The following MFAP3 variants were observed in gnomAD, a reference collection of about 807,000 sequenced individuals.
MFAP3 encodes the protein microfibril-associated glycoprotein 3.
A neutral mutation model predicts 20.5 loss-of-function variants in MFAP3; 8 were observed. The ratio of observed to expected loss-of-function variants is 0.39; its 90% confidence interval spans 0.23 to 0.70. The LOEUF (loss-of-function observed/expected upper bound fraction) is 0.70, where lower values mean the gene tolerates loss of function less well. Among genes scored for constraint, MFAP3 ranks in the 30% least tolerant of loss-of-function variants. The pLI is 0.44. For synonymous variants in MFAP3, 140 were observed against 154.0 expected (o/e 0.91, Z 0.67); for missense variants, 398 against 444.6 (o/e 0.90, Z 0.94).
At chr5:154,044,479 A>G (rs533471400) in intron 1 of MFAP3, among the ~76,000 whole-genome samples, 36 of 152,338 alleles carry the variant, frequency 2.4e-4, no homozygotes, top group Non-Finnish European at 4.3e-4. Flanking sequence ...CTTTCAAATC[A>G]GAAGTCCTCT....
At chr5:154,041,331 G>A (rs926743016) in intron 1 of MFAP3, among the ~76,000 whole-genome samples, 8 of 152,236 alleles carry the variant, frequency 5.3e-5, no homozygotes, top group African/African-American at 1.4e-4. Context: ...TAAAACAAGC[G>A]TAGTTTAGGC....
In MFAP3 at chr5:154,053,352, C is replaced by T. The variant is rs1352560257; in HGVS notation, c.728C>T (p.Pro243Leu). The change falls in exon 3 of 3, where the codon CCT (proline) becomes CTT (leucine). Residue 243 changes from proline to leucine, a missense_variant. Physicochemically the swap from Pro to Leu is moderately conservative, Grantham distance 98. Coordinates refer to ENST00000522782, the MANE Select transcript of MFAP3 (RefSeq NM_005927.5). ...CTGGCAAGAAGTGTCCCTCTTCCAC[C>T]TCTTATTCTAAACTGTCGAGCCTTT... ...EELARSVPLP[P>L]LILNCRAFVE... is the part of the protein sequence containing the mutation. 6.2e-7 allele frequency: 1 copy of T among 1,614,024 alleles called. No individual in the cohort carries two copies. The highest frequency in any genetic ancestry group is 2.2e-5 in the East Asian group (1 of 44,886).
chr5:154,048,260 T>C (rs1055503893), intron 1 of MFAP3, among the ~76,000 whole-genome samples: 1 of 152,204 alleles, frequency 6.6e-6, no homozygotes, highest in African/African-American at 2.4e-5. Context: ...TAGTGTGTCA[T>C]GTATTGCCAA....
chr5:154,054,418 G>A lies in MFAP3; in HGVS notation c.*705G>A, dbSNP rs1003412593. 2 of 166,948 alleles carry A rather than the reference G, an allele frequency of 1.2e-5. No individual in the cohort carries two copies. The highest frequency in any genetic ancestry group is 4.8e-5 in the African/African-American group (2 of 41,452). The allele number at this position is 166,948 out of a possible 1,614,324, so 10.3% of individuals were successfully genotyped here. ...TAAACTACTTTCCATGAGTAAATTG[G>A]TCCTTGGTGGGGGTGTATCATATTT... On this transcript the variant is annotated 3_prime_UTR_variant, in exon 3 of 3. Coordinates refer to ENST00000522782, the MANE Select transcript of MFAP3 (RefSeq NM_005927.5).
rs528914774 is a variant in MFAP3, at chr5:154,056,285, C to A, written c.*2572C>A. On this transcript the variant is annotated 3_prime_UTR_variant, in exon 3 of 3. Coordinates refer to ENST00000522782, the MANE Select transcript of MFAP3 (RefSeq NM_005927.5). ...AAGTAACTGGTTTACTTTGAGTGTACCAGCTTATGGTGCCATTGATGAGGA... is the reference window on the plus strand; with the variant it reads ...AAGTAACTGGTTTACTTTGAGTGTAACAGCTTATGGTGCCATTGATGAGGA... Among the ~76,000 whole-genome samples, 54 of 152,180 alleles carry A rather than the reference C, an allele frequency of 3.5e-4. 1 individual carries two copies. The South Asian group carries it at 0.01, about 29-fold the overall frequency.
chr5:154,041,034 A>G (rs1191290000), intron 1 of MFAP3, among the ~76,000 whole-genome samples: 1 of 152,162 alleles, frequency 6.6e-6, no homozygotes, highest in East Asian at 1.9e-4. Flanking sequence ...TCTATCATTC[A>G]TAAGCTTACA....
chr5:154,053,620 A>T lies in MFAP3; in HGVS notation c.996A>T (p.Gln332His), dbSNP rs1329801256. 6.2e-7 allele frequency: 1 copy of T among 1,613,894 alleles called. No homozygotes were observed. Among genetic ancestry groups the T allele is most frequent in the Non-Finnish European group, 8.5e-7 (1 of 1,179,928 alleles). ...CCAAAAGTATTGATACAGAGTCTCA[A>T]GGCAGCAGTCATTTCAGTCCACCTG... ...SETKSIDTES[Q>H]GSSHFSPPDD... The change falls in exon 3 of 3, where the codon CAA becomes CAT. Residue 332 changes from glutamine to histidine, a missense_variant. Transcript: ENST00000522782.
At chr5:154,041,774 G>T (rs1184039957) in intron 1 of MFAP3, among the ~76,000 whole-genome samples, 1 of 152,158 alleles carries the variant, frequency 6.6e-6, no homozygotes, top group Admixed American at 6.5e-5. Flanking sequence ...AAATTAAGGG[G>T]ATAGTGTGGT....
chr5:154,051,905 C>T (rs1773200056), intron 2 of MFAP3: 1 of 152,114 alleles, frequency 6.6e-6, no homozygotes, highest in Non-Finnish European at 1.5e-5. Flanking sequence ...TCCTCTGGGA[C>T]ACCTCCTCTA....
chr5:154,044,443 C>A (rs913049831), intron 1 of MFAP3, among the ~76,000 whole-genome samples: 1 of 152,196 alleles, frequency 6.6e-6, no homozygotes, highest in African/African-American at 2.4e-5. Context: ...CAGCCTGTTA[C>A]CTGCAAATGG....
chr5:154,042,104 C>T (rs1285419062), intron 1 of MFAP3, among the ~76,000 whole-genome samples: 1 of 152,088 alleles, frequency 6.6e-6, no homozygotes, highest in African/African-American at 2.4e-5. Flanking sequence ...AATTGTCTGG[C>T]TATTATCTAA....
At chr5:154,048,280 GTTT>G (rs984406134) in intron 1 of MFAP3, among the ~76,000 whole-genome samples, 18 of 152,122 alleles carry the variant, frequency 1.2e-4, no homozygotes, top group Non-Finnish European at 2.4e-4. Flanking sequence ...AAGTCTGAAG[GTTT>G]TTTATTTTAC....
Position 154,053,479 on chromosome 5 carries a change from C to T in MFAP3, c.855C>T (p.Val285=), listed in dbSNP as rs1773251292. ...TGAATGCTCAAGGTGGCATCTATGT[C>T]ATTAACCCAGAGATGGGACGGAGTA... ...PALNAQGGIY[V]INPEMGRSNS... Residue 285 remains valine (V), a synonymous_variant, in exon 3 of 3, where the codon GTC becomes GTT. Coordinates refer to ENST00000522782, the MANE Select transcript of MFAP3 (RefSeq NM_005927.5). 1 of 1,613,818 alleles carries T rather than the reference C, an allele frequency of 6.2e-7. No individual in the cohort carries two copies.
At chr5:154,049,415 AT>A (rs762294024) in intron 1 of MFAP3, 141 bp from the exon 2 acceptor site, 3 of 238,766 alleles carry the variant, frequency 1.3e-5, no homozygotes, top group Non-Finnish European at 1.6e-5. Flanking sequence ...TCTGTGTGAG[AT>A]TTTTAGGTAC....
At position 154,053,420 on chromosome 5, in the gene MFAP3, G is replaced by A; in HGVS notation, c.796G>A (p.Asp266Asn). The A allele has an allele frequency of 6.2e-7, 1 of 1,613,986 alleles. No individual in the cohort carries two copies. The highest frequency in any genetic ancestry group is 1.1e-5 in the South Asian group (1 of 91,050). Residue 266 changes from aspartate to asparagine, a missense_variant, in exon 3 of 3, where the codon GAC (aspartate) becomes AAC (asparagine). Transcript: ENST00000522782. ...FEAVRVDDPD[D>N]LGERIKERPA... The stretch of plus-strand genomic sequence containing the variant: ...GGCTGTGCGAGTGGACGACCCTGAT[G>A]ACCTGGGTGAAAGAATTAAAGAGAG...
intron 1 of MFAP3, among the ~76,000 whole-genome samples, chr5:154,042,845 A>G (rs1015609659): frequency 4.0e-5 from 6 of 151,584 alleles, no homozygotes; most frequent in Non-Finnish European, 5.9e-5. Flanking sequence ...AAAAAAAAAA[A>G]TACCACCTGG....
chr5:154,053,675 A>G lies in MFAP3; in HGVS notation c.1051A>G (p.Asn351Asp). Residue 351 changes from asparagine (N) to aspartate (D), a missense_variant, in exon 3 of 3, where the codon AAC becomes GAC. Transcript: ENST00000522782. ...DDIGSAESNC[N>D]YKDGAYENCQ... ...TATAGGATCTGCAGAATCTAACTGT[A>G]ACTACAAAGATGGGGCATATGAAAA... is the stretch of plus-strand genomic sequence containing the variant. The G allele has an allele frequency of 1.2e-6, 2 of 1,613,470 alleles. No individual in the cohort carries two copies. The highest frequency in any genetic ancestry group is 1.7e-6 in the Non-Finnish European group (2 of 1,179,530).
At position 154,055,297 on chromosome 5, in the gene MFAP3, C is replaced by T. The variant is rs943407229; in HGVS notation, c.*1584C>T. Among the ~76,000 whole-genome samples the T allele has an allele frequency of 2.6e-5, 4 of 152,226 alleles. No individual in the cohort carries two copies. The highest frequency in any genetic ancestry group is 4.1e-4 in the South Asian group (2 of 4,820). ...GGAAGACAGGAAATTCAAAGCGTGA[C>T]GGGATAAAACTCATGCCTCCCTTTG... On this transcript the variant is annotated 3_prime_UTR_variant, in exon 3 of 3. Coordinates refer to ENST00000522782, the MANE Select transcript of MFAP3 (RefSeq NM_005927.5).
chr5:154,052,832 GAT>G, intron 2 of MFAP3, 86 bp from the exon 3 acceptor site: 1 of 1,148,924 alleles, frequency 8.7e-7, no homozygotes, highest in Non-Finnish European at 1.2e-6. Context: ...AAAGTACTTT[GAT>G]AAAGAGGTGG....
Sources: gnomAD v4.1 joint callset for allele counts (sites outside exome capture counted in the v4.1 genomes callset) on GRCh38, gnomAD v4.1.1 for gene constraint, MANE v1.5 for transcripts, NCBI Gene and HGNC (gene_info 2026-07-23, HGNC 2026-07-21) for gene names.